The following GNB5 variants were observed in gnomAD, a reference collection of about 807,000 sequenced individuals.
GNB5 encodes the protein G protein subunit beta 5.
In GNB5, 37 loss-of-function variants were observed where a neutral mutation model predicts 55.3. That is an observed-to-expected ratio of 0.67 (90% CI 0.51 to 0.88). The LOEUF is 0.88. GNB5 is among the 40% of genes least tolerant of loss of function. The probability of loss-of-function intolerance (pLI) is 0.00; values close to 1 mark genes in which losing one functional copy is unlikely to be tolerated. For synonymous variants in GNB5, 219 were observed against 198.5 expected (o/e 1.10, Z -0.87); for missense variants, 476 against 515.3 (o/e 0.92, Z 0.74).
At chr15:52,173,910 G>GT (rs2034598795) in intron 3 of GNB5, among the ~76,000 whole-genome samples, 1 of 152,184 alleles carries the variant, frequency 6.6e-6, no homozygotes, top group Admixed American at 6.5e-5. Context: ...GCTAAATAAT[G>GT]GCCCCCAAAG....
At chr15:52,140,808 C>T (rs1472842993) in intron 7 of GNB5, among the ~76,000 whole-genome samples, 3 of 152,134 alleles carry the variant, frequency 2.0e-5, no homozygotes, top group Admixed American at 6.5e-5. Context: ...CTCAGTGAAG[C>T]TTTACACACG....
intron 6 of GNB5, among the ~76,000 whole-genome samples, chr15:52,145,953 C>CTTTTT (rs937011704): frequency 4.7e-5 from 6 of 127,540 alleles, no homozygotes; most frequent in Non-Finnish European, 9.7e-5. Context: ...TATAATATGA[C>CTTTTT]TTTTTTTTTT....
chr15:52,161,551 T>C (rs2034333331), intron 3 of GNB5, among the ~76,000 whole-genome samples: 1 of 152,214 alleles, frequency 6.6e-6, no homozygotes, highest in South Asian at 2.1e-4. Context: ...TCCACCCACC[T>C]CAGCCTCCCA....
chr15:52,135,514 G>T, intron 8 of GNB5, 99 bp downstream of exon 8: 1 of 1,040,472 alleles, frequency 9.6e-7, no homozygotes. Flanking sequence ...GCCCCTTCTA[G>T]GGAAGTGCCT....
intron 7 of GNB5, chr15:52,137,939 T>C: frequency 3.1e-6 from 4 of 1,287,154 alleles, no homozygotes; most frequent in Non-Finnish European, 4.0e-6. Context: ...GGATGATTAC[T>C]GATGGCTGAG....
At chr15:52,190,992 TC>T (rs1934844245) in intron 1 of GNB5, among the ~76,000 whole-genome samples, 1 of 152,188 alleles carries the variant, frequency 6.6e-6, no homozygotes, top group East Asian at 1.9e-4. Context: ...TAAGCTGTAC[TC>T]AGAGGCTTAT....
intron 6 of GNB5, 168 bp downstream of exon 6, chr15:52,147,291 C>G (rs1325850772): frequency 7.3e-6 from 4 of 546,730 alleles, no homozygotes; most frequent in African/African-American, 5.9e-5. Flanking sequence ...GCAGGCACCA[C>G]TGTGCTGGCT....
chr15:52,180,054 C>G, intron 2 of GNB5, 175 bp from the exon 3 acceptor site: 3 of 773,650 alleles, frequency 3.9e-6, no homozygotes, highest in Non-Finnish European at 5.1e-6. Flanking sequence ...AGACCCCGCA[C>G]CTGGGCGCGC....
At chr15:52,158,964 G>C (rs2034273405) in intron 3 of GNB5, among the ~76,000 whole-genome samples, 1 of 152,150 alleles carries the variant, frequency 6.6e-6, no homozygotes, top group South Asian at 2.1e-4. Flanking sequence ...AGAGGGTGGG[G>C]CACTGCACTG....
Position 52,135,707 on chromosome 15 carries a change from C to A in GNB5, c.677G>T (p.Ser226Ile), listed in dbSNP as rs765865490. The change falls in exon 8 of 13, where the codon AGC (serine) becomes ATC (isoleucine). Residue 226 changes from serine to isoleucine, a missense_variant. By Grantham distance (142) the Ser-to-Ile change is moderately radical (BLOSUM62 -2). Coordinates refer to ENST00000261837, the MANE Select transcript of GNB5 (RefSeq NM_016194.4). ...GTGGAAGCTCTGCAGCAGCTGCCCG[C>A]TCTCCACGTCCCACAGGGCACATGT... ...DGTCALWDVE[S>I]GQLLQSFHGH... 2 of 1,613,066 alleles carry A rather than the reference C, an allele frequency of 1.2e-6. No homozygotes were observed. The highest frequency in any genetic ancestry group is 1.7e-6 in the Non-Finnish European group (2 of 1,179,760).
chr15:52,124,383 T>C (rs922773212), intron 12 of GNB5, 90 bp downstream of exon 12: 1 of 1,074,356 alleles, frequency 9.3e-7, no homozygotes, highest in African/African-American at 1.6e-5. Context: ...CACCTGAGCT[T>C]ACTCTGATAG....
rs1248164996 is a variant in GNB5, at chr15:52,121,310, A to G, written c.*1447T>C. ...ACCGACGAGGCAGGCCTCACCAGGA[A>G]TGACACCTGGTGTCTGAGGTGACCT... On this transcript the variant is annotated 3_prime_UTR_variant, in exon 13 of 13. Coordinates refer to ENST00000261837, the MANE Select transcript of GNB5 (RefSeq NM_016194.4). The G allele has an allele frequency of 1.3e-5, 2 of 152,258 alleles. No individual in the cohort carries two copies. The highest frequency in any genetic ancestry group is 2.9e-5 in the Non-Finnish European group (2 of 68,078). 9.4% of individuals were successfully genotyped at this position (152,258 alleles called of 1,614,324 possible).
chr15:52,151,377 T>G (rs962781232), intron 4 of GNB5, among the ~76,000 whole-genome samples: 1 of 152,232 alleles, frequency 6.6e-6, no homozygotes, highest in African/African-American at 2.4e-5. Flanking sequence ...CACTGTGTGC[T>G]CTGGCGTCTC....
chr15:52,137,172 A>T, intron 7 of GNB5: 1 of 990,496 alleles, frequency 1.0e-6, no homozygotes, highest in Non-Finnish European at 1.3e-6. Context: ...GTTCTCCCTT[A>T]CTGTGGCAGG....
chr15:52,152,287 C>T (rs1364843663), intron 4 of GNB5, among the ~76,000 whole-genome samples: 1 of 151,652 alleles, frequency 6.6e-6, no homozygotes, highest in African/African-American at 2.4e-5. Flanking sequence ...TTGGGAGAAA[C>T]CTATGCTGAT....
chr15:52,159,922 G>A (rs2034295325), intron 3 of GNB5, among the ~76,000 whole-genome samples: 1 of 152,020 alleles, frequency 6.6e-6, no homozygotes. Flanking sequence ...AGGAGTTGGG[G>A]TGGAAAAGGG....
chr15:52,122,704 C>T lies in GNB5; in HGVS notation c.*53G>A, dbSNP rs2033302230. On this transcript the variant is annotated 3_prime_UTR_variant, in exon 13 of 13. Coordinates refer to ENST00000261837, the MANE Select transcript of GNB5 (RefSeq NM_016194.4). ...CTCCTCTAGAAGTAATATCTATTTA[C>T]ATGTGAAGATTTCAAATTCTCAGGT... 3.2e-5 allele frequency: 45 copies of T among 1,404,970 alleles called. No homozygotes were observed. In the South Asian group the frequency reaches 5.2e-4, roughly 16 times the overall value. The allele number at this position is 1,404,970 out of a possible 1,614,324, so 87.0% of individuals were successfully genotyped here.
At chr15:52,185,798 T>A (rs1438505110) in intron 1 of GNB5, among the ~76,000 whole-genome samples, 1 of 111,998 alleles carries the variant, frequency 8.9e-6, no homozygotes, top group Non-Finnish European at 2.1e-5. Flanking sequence ...TATTATTATT[T>A]GGGACAGTAT....
intron 6 of GNB5, among the ~76,000 whole-genome samples, chr15:52,145,912 T>C (rs1489814147): frequency 6.6e-6 from 1 of 151,928 alleles, no homozygotes; most frequent in African/African-American, 2.4e-5. Flanking sequence ...AAAGAACTAC[T>C]ATTTTATTTG....
Sources: gnomAD v4.1 joint callset for allele counts (sites outside exome capture counted in the v4.1 genomes callset) on GRCh38, gnomAD v4.1.1 for gene constraint, MANE v1.5 for transcripts, NCBI Gene and HGNC (gene_info 2026-07-23, HGNC 2026-07-21) for gene names.